Variants in AHRR observed in about 807,000 individuals in gnomAD.
The protein encoded by AHRR is aryl hydrocarbon receptor repressor.
AHRR carries 28 observed loss-of-function variants against 44.0 expected under a neutral mutation model. The ratio of observed to expected loss-of-function variants is 0.64; its 90% CI spans 0.47 to 0.87. AHRR has a LOEUF of 0.87. AHRR is among the 40% of genes least tolerant of loss of function. The pLI, the probability that AHRR is intolerant of heterozygous loss-of-function variation, is 0.00. For missense variants in AHRR, 990 were observed against 953.9 expected (o/e 1.04, Z -0.50); for synonymous variants, 434 against 407.0 (o/e 1.07, Z -0.80).
chr5:402,970 T>C (rs1177994582), intron 4 of AHRR, among the ~76,000 whole-genome samples: 2 of 152,058 alleles, frequency 1.3e-5, no homozygotes, highest in Non-Finnish European at 2.9e-5. Context: ...CTCACTCATA[T>C]GTGGAATCTA....
At chr5:334,527 G>T (rs896634968) in intron 1 of AHRR, among the ~76,000 whole-genome samples, 8 of 151,394 alleles carry the variant, frequency 5.3e-5, no homozygotes, top group African/African-American at 1.9e-4. Context: ...AATGTATTTT[G>T]TATTTCTGGT....
Position 338,601 on chromosome 5 carries a change from G to A in AHRR, c.-10-5292G>A, listed in dbSNP as rs1284571918. Among the ~76,000 whole-genome samples the A allele has an allele frequency of 6.6e-6, 1 of 152,112 alleles. No homozygotes were observed. The highest frequency in any genetic ancestry group is 2.4e-5 in the African/African-American group (1 of 41,410). On this transcript the variant is annotated intron_variant, in intron 1 of 10. Transcript: ENST00000684583. This position sits in a 1 kb window ranked among gnomAD's most constrained non-coding sequence, Gnocchi z 4.1. ...TCATACCTGTAATCCCAGCACTCTT[G>A]GAGGCCAAGGTGGGTGAATTGCTTG...
intron 1 of AHRR, among the ~76,000 whole-genome samples, chr5:332,093 A>G (rs1173252057): frequency 1.3e-5 from 2 of 152,020 alleles, no homozygotes; most frequent in Admixed American, 6.6e-5. Context: ...TTTAATTTCC[A>G]TGTATGTATA....
At chr5:396,714 G>A (rs1579663766) in intron 4 of AHRR, among the ~76,000 whole-genome samples, 1 of 152,262 alleles carries the variant, frequency 6.6e-6, no homozygotes, top group South Asian at 2.1e-4. Context: ...CACCAGGGAG[G>A]AAGCATGCCG....
intron 2 of AHRR, among the ~76,000 whole-genome samples, chr5:347,883 C>T (rs1418358047): frequency 1.3e-5 from 2 of 152,208 alleles, no homozygotes; most frequent in Non-Finnish European, 2.9e-5. Context: ...CAGCTGTGGC[C>T]CTTGATGCAC....
At position 370,421 on chromosome 5, in the gene AHRR, T is replaced by C. The variant is rs901831697; in HGVS notation, c.245-6189T>C. ...TTCTCAGAGCATCCCATCCAACTCC[T>C]GGACGGGAGAGGTGTCGTAAGGGTC... On this transcript the variant is annotated intron_variant, in intron 3 of 10. Transcript: ENST00000684583. The surrounding 1 kb of genome is among the most constrained non-coding windows in gnomAD (Gnocchi z 4.5). 1.1e-4 allele frequency among the ~76,000 whole-genome samples: 17 copies of C among 152,198 alleles called. No individual in the cohort carries two copies. Among genetic ancestry groups the C allele is most frequent in the African/African-American group, 3.4e-4 (14 of 41,456 alleles).
intron 8 of AHRR, among the ~76,000 whole-genome samples, chr5:430,550 G>C (rs1736676904): frequency 6.6e-6 from 1 of 152,256 alleles, no homozygotes; most frequent in Non-Finnish European, 1.5e-5. Context: ...CAGGCCCCAA[G>C]GCCACCTTGC....
At position 406,682 on chromosome 5, in the gene AHRR, C is replaced by T. The variant is rs992803820; in HGVS notation, c.352-6662C>T. On this transcript the variant is annotated intron_variant, in intron 4 of 10. Coordinates refer to ENST00000684583, the MANE Select transcript of AHRR (RefSeq NM_001377236.1). The surrounding 1 kb of genome is among the most constrained non-coding windows in gnomAD (Gnocchi z 4.7). The stretch of plus-strand genomic sequence containing the variant: ...CAGGCAGCTCAAAGGAGAAACGCAG[C>T]CCCTTCTCCCCTGTGAAACTGCACA... 6.6e-6 allele frequency among the ~76,000 whole-genome samples: 1 copy of T among 152,200 alleles called. No individual in the cohort carries two copies. The highest frequency in any genetic ancestry group is 1.5e-5 in the Non-Finnish European group (1 of 68,036).
intron 4 of AHRR, chr5:403,639 GA>G (rs34565085): frequency 0.013 from 4,170 of 324,016 alleles, no homozygotes; most frequent in East Asian, 0.03. Context: ...CTCCGTTTCA[GA>G]AAAAAAAAAA....
chr5:356,524 A>G (rs1247926878), intron 3 of AHRR, among the ~76,000 whole-genome samples: 57 of 128,764 alleles, frequency 4.4e-4, no homozygotes, highest in African/African-American at 1.5e-3. Flanking sequence ...TCAGCGACTG[A>G]GGAAGAGCGC....
At chr5:368,706 C>T (rs901083192) in intron 3 of AHRR, among the ~76,000 whole-genome samples, 5 of 152,300 alleles carry the variant, frequency 3.3e-5, no homozygotes, top group African/African-American at 7.2e-5. Flanking sequence ...CTCTGGTGAC[C>T]GCAGAGCCCC....
chr5:404,068 G>T lies in AHRR; in HGVS notation c.352-9276G>T. 1.5e-6 allele frequency: 1 copy of T among 680,930 alleles called. No individual in the cohort carries two copies. Among genetic ancestry groups the T allele is most frequent in the South Asian group, 1.5e-5 (1 of 67,636 alleles). The allele number at this position is 680,930 out of a possible 1,614,324, so 42.2% of individuals were successfully genotyped here. A position where few individuals can be genotyped will look rare whatever the true frequency, so the allele number is the denominator to read the frequency against. Reference sequence around the variant, plus strand: ...CTTTGCATCCAAATCATGTTGTCCAGCGTTTGAAGAAAAAGTCAGTTCCGT... The same window carrying T: ...CTTTGCATCCAAATCATGTTGTCCATCGTTTGAAGAAAAAGTCAGTTCCGT... On this transcript the variant is annotated intron_variant, in intron 4 of 10. Transcript: ENST00000684583. The surrounding 1 kb of genome is among the most constrained non-coding windows in gnomAD (Gnocchi z 4.1).
intron 7 of AHRR, among the ~76,000 whole-genome samples, chr5:427,449 C>T (rs1323757371): frequency 1.3e-5 from 2 of 152,336 alleles, no homozygotes; most frequent in East Asian, 1.9e-4. Context: ...AGGGGTTTGC[C>T]GCTGGCCCGG....
chr5:359,988 T>C (rs1743121812), intron 3 of AHRR, among the ~76,000 whole-genome samples: 1 of 152,238 alleles, frequency 6.6e-6, no homozygotes, highest in Admixed American at 6.5e-5. Flanking sequence ...ATTTACCTTT[T>C]CCTTGATGAT....
At position 355,946 on chromosome 5, in the gene AHRR, T is replaced by G. The variant is rs187027894; in HGVS notation, c.244+2035T>G. Among the ~76,000 whole-genome samples, 43 of 152,362 alleles carry G rather than the reference T, an allele frequency of 2.8e-4. 1 individual carries two copies. The East Asian group carries it at 8.1e-3, about 29-fold the overall frequency. On this transcript the variant is annotated intron_variant, in intron 3 of 10. Coordinates refer to ENST00000684583, the MANE Select transcript of AHRR (RefSeq NM_001377236.1). ...GGAAATTCTAAAAACTTTTCTGAAG[T>G]CATTTCCACGTATAATTAGAAACAA...
At position 419,806 on chromosome 5, in the gene AHRR, A is replaced by G. The variant is rs141866532; in HGVS notation, c.442-2923A>G. ...TTCCATAAGCTGTGAAACAAATGTC[A>G]TAAGGTCTCTAATTTAGAAGGGGGA... On this transcript the variant is annotated intron_variant, in intron 5 of 10. Coordinates refer to ENST00000684583, the MANE Select transcript of AHRR (RefSeq NM_001377236.1). This position sits in a 1 kb window ranked among gnomAD's most constrained non-coding sequence, Gnocchi z 4.4. 1.4e-3 allele frequency among the ~76,000 whole-genome samples: 218 copies of G among 152,292 alleles called. 6 individuals are homozygous for G. In the East Asian group the frequency reaches 0.033, roughly 23 times the overall value.
At chr5:403,708 A>G in intron 4 of AHRR, 1 of 798,730 alleles carries the variant, frequency 1.3e-6, no homozygotes, top group Non-Finnish European at 2.0e-6. Context: ...TTTCTCTCAG[A>G]GGCATATTTT....
chr5:354,697 C>T (rs1742981478), intron 3 of AHRR, among the ~76,000 whole-genome samples: 2 of 152,176 alleles, frequency 1.3e-5, no homozygotes, highest in South Asian at 2.1e-4. Flanking sequence ...GATTGCAGCA[C>T]TTTTAGAATT....
intron 1 of AHRR, among the ~76,000 whole-genome samples, chr5:330,867 G>A (rs1741884803): frequency 7.8e-6 from 1 of 128,012 alleles, no homozygotes. Flanking sequence ...GTATAATTCA[G>A]CATTTTTTTT....
Sources: gnomAD v4.1 joint callset for allele counts (sites outside exome capture counted in the v4.1 genomes callset) on GRCh38, gnomAD v4.1.1 for gene constraint, Gnocchi (gnomAD v3.1) non-coding constraint, MANE v1.5 for transcripts, NCBI Gene and HGNC (gene_info 2026-07-23, HGNC 2026-07-21) for gene names.